SHROOM3: variants seen among roughly 807,000 people sequenced by gnomAD.
SHROOM3 encodes the protein protein Shroom3.
SHROOM3 carries 47 observed loss-of-function variants against 138.6 expected under a neutral mutation model. That is an observed-to-expected ratio of 0.34 (90% CI 0.27 to 0.43). SHROOM3 has a LOEUF of 0.43. SHROOM3 is among the 20% of genes least tolerant of loss of function. SHROOM3 has a pLI of 1.00. For missense variants in SHROOM3, 2,491 were observed against 2,596.5 expected, an observed-to-expected ratio of 0.96 and a Z score of 0.88; for synonymous variants, 1,062 against 1,063.3, an observed-to-expected ratio of 1.00 and a Z score of 0.02.
chr4:76,554,260 T>G (rs767975485), intron 1 of SHROOM3, among the ~76,000 whole-genome samples: 39 of 152,214 alleles, frequency 2.6e-4, no homozygotes, highest in Non-Finnish European at 5.1e-4. Flanking sequence ...ATTTTAAGTT[T>G]CCTTCATGTT....
intron 1 of SHROOM3, among the ~76,000 whole-genome samples, chr4:76,494,901 G>C (rs10005906): frequency 6.6e-6 from 1 of 152,108 alleles, no homozygotes; most frequent in African/African-American, 2.4e-5. Context: ...TAATTCAAAG[G>C]CCTGTTCTGT....
chr4:76,680,950 C>A (rs1004355795), intron 2 of SHROOM3, among the ~76,000 whole-genome samples: 1 of 152,244 alleles, frequency 6.6e-6, no homozygotes, highest in Non-Finnish European at 1.5e-5. Flanking sequence ...CCTCCCCATG[C>A]TGTCAGCATG....
In SHROOM3 at chr4:76,740,974, G is replaced by A. The variant is rs1292544124; in HGVS notation, c.2801G>A (p.Arg934His). ...AACAGCATCAAGGACGCACAGTCCC[G>A]TGTCTTGGGGGCCACCTCCTTTCGA... is the stretch of plus-strand genomic sequence containing the variant. ...YRNSIKDAQS[R>H]VLGATSFRRR... Residue 934 changes from arginine to histidine, a missense_variant, in exon 5 of 11, where the codon CGT becomes CAT. Arg to His is a conservative substitution (Grantham distance 29). Transcript: ENST00000296043. This position sits in a 1 kb window ranked among gnomAD's most constrained non-coding sequence, Gnocchi z 4.0. 6.7e-7 allele frequency: 1 copy of A among 1,495,200 alleles called. No individual in the cohort carries two copies. The allele number at this position is 1,495,200 out of a possible 1,614,324, so 92.6% of individuals were successfully genotyped here.
intron 2 of SHROOM3, chr4:76,688,728 T>G (rs1333276275): frequency 2.0e-6 from 2 of 985,376 alleles, no homozygotes; most frequent in East Asian, 1.1e-4. Flanking sequence ...AATGGATATA[T>G]TTTCTAAAAT....
intron 1 of SHROOM3, among the ~76,000 whole-genome samples, chr4:76,449,960 AT>A (rs1730892427): frequency 6.6e-6 from 1 of 152,212 alleles, no homozygotes; most frequent in South Asian, 2.1e-4. Context: ...TGTATTAAGA[AT>A]TAACAAGTGG....
intron 2 of SHROOM3, among the ~76,000 whole-genome samples, chr4:76,606,413 T>C (rs1734622026): frequency 2.0e-5 from 3 of 151,776 alleles, no homozygotes; most frequent in Admixed American, 2.0e-4. Flanking sequence ...TTTTTATCTG[T>C]AAAATGATAG....
intron 1 of SHROOM3, among the ~76,000 whole-genome samples, chr4:76,519,688 C>T (rs923793237): frequency 1.3e-5 from 2 of 152,112 alleles, no homozygotes. Flanking sequence ...TCAGGACAGT[C>T]TTGACTATAT....
rs781326633 is a variant in SHROOM3, at chr4:76,756,789, G to A, written c.5050G>A (p.Asp1684Asn). Residue 1684 changes from aspartate (D) to asparagine (N), a missense_variant, in exon 8 of 11, where the codon GAC becomes AAC. By Grantham distance (23) the Asp-to-Asn change is conservative. Around this residue, in one of 4 missense-constraint regions of SHROOM3, gnomAD observed 470 missense variants for 595.0 expected, o/e 0.79. Transcript: ENST00000296043. ...EIVHQDKSLA[D>N]ILDPDSRLKT... is the part of the protein sequence containing the mutation. Reference sequence around the variant, plus strand: ...TGTCCACCAAGACAAATCTCTAGCAGACATTTTGGATCCAGACTCCAGGCT... The same window carrying A: ...TGTCCACCAAGACAAATCTCTAGCAAACATTTTGGATCCAGACTCCAGGCT... The A allele has an allele frequency of 3.4e-5, 55 of 1,614,060 alleles. No individual in the cohort carries two copies. Among genetic ancestry groups the A allele is most frequent in the African/African-American group, 8.0e-5 (6 of 74,928 alleles).
chr4:76,497,355 A>G (rs567264161), intron 1 of SHROOM3, among the ~76,000 whole-genome samples: 1 of 152,354 alleles, frequency 6.6e-6, no homozygotes, highest in East Asian at 1.9e-4. Context: ...TAATTCCCAC[A>G]TTTAGTGGCT....
At chr4:76,688,825 C>T in intron 2 of SHROOM3, 1 of 985,284 alleles carries the variant, frequency 1.0e-6, no homozygotes, top group Non-Finnish European at 1.2e-6. Flanking sequence ...TAATCAGAGA[C>T]GATGCTTATG....
At chr4:76,772,919 A>G (rs1033771894) in intron 10 of SHROOM3, among the ~76,000 whole-genome samples, 3 of 152,232 alleles carry the variant, frequency 2.0e-5, no homozygotes, top group African/African-American at 7.2e-5. Context: ...AATACAGTTT[A>G]GAAGAACCTC....
In SHROOM3 at chr4:76,754,442, T is replaced by C. The variant is rs752390281; in HGVS notation, c.3959T>C (p.Leu1320Pro). 4.3e-6 allele frequency: 7 copies of C among 1,614,018 alleles called. No individual in the cohort carries two copies. The African/African-American group carries it at 8.0e-5, about 18-fold the overall frequency. The change falls in exon 7 of 11, where the codon CTG becomes CCG. Residue 1320 changes from leucine (L) to proline (P), a missense_variant. Leu to Pro is a moderately conservative substitution (Grantham distance 98). Transcript: ENST00000296043. ...GTTCCTAGTGAATGTCCTGGAACCC[T>C]GGACCATCAGAGGCAAGCCAGTAGG... is the stretch of plus-strand genomic sequence containing the variant. Reference protein sequence around the residue: ...SSVPSECPGTLDHQRQASRTP... With the variant: ...SSVPSECPGTPDHQRQASRTP...
chr4:76,596,581 A>AACACACACACACACACACACAC (rs58214296), intron 2 of SHROOM3, among the ~76,000 whole-genome samples: 1 of 138,134 alleles, frequency 7.2e-6, no homozygotes, highest in East Asian at 2.2e-4. Flanking sequence ...GGTACAGAGA[A>AACACACACACACACACACACAC]ACACACACAC....
chr4:76,479,331 A>G (rs1297770219), intron 1 of SHROOM3, among the ~76,000 whole-genome samples: 1 of 151,936 alleles, frequency 6.6e-6, no homozygotes, highest in Non-Finnish European at 1.5e-5. Context: ...GTTGTGAAGC[A>G]TATACACAAG....
Position 76,612,710 on chromosome 4 carries a change from A to G in SHROOM3, c.323+56947A>G, listed in dbSNP as rs1734788460. Among the ~76,000 whole-genome samples the G allele has an allele frequency of 2.0e-5, 3 of 152,176 alleles. No homozygotes were observed. The South Asian group carries it at 6.2e-4, about 32-fold the overall frequency. On this transcript the variant is annotated intron_variant, in intron 2 of 10. Coordinates refer to ENST00000296043, the MANE Select transcript of SHROOM3 (RefSeq NM_020859.4). ...TCCCAGCACTTTGGAACACTGAAGT[A>G]GGAGGATCCATTCAGCCCGGTAGTT...
chr4:76,727,690 C>T (rs2110126827), intron 3 of SHROOM3, among the ~76,000 whole-genome samples: 2 of 152,162 alleles, frequency 1.3e-5, no homozygotes, highest in Middle Eastern at 6.8e-3. Flanking sequence ...GAGTTCAAGA[C>T]CAGCCTGGCC....
At chr4:76,762,060 A>G (rs1192959699) in intron 9 of SHROOM3, among the ~76,000 whole-genome samples, 2 of 152,166 alleles carry the variant, frequency 1.3e-5, no homozygotes, top group South Asian at 2.1e-4. Flanking sequence ...GACCAGGGTC[A>G]GGCCTGGTTA....
Position 76,435,974 on chromosome 4 carries a change from A to C in SHROOM3, c.-79A>C. ...CATTGTGTGTCCTGAAGGATGGGAC[A>C]ACTTGTGCTGTAGAAGCACTGCTTG... On this transcript the variant is annotated 5_prime_UTR_variant, in exon 1 of 11. Coordinates refer to ENST00000296043, the MANE Select transcript of SHROOM3 (RefSeq NM_020859.4). 1 of 1,508,960 alleles carries C rather than the reference A, an allele frequency of 6.6e-7. No homozygotes were observed. The highest frequency in any genetic ancestry group is 9.1e-7 in the Non-Finnish European group (1 of 1,095,850). 93.5% of individuals were successfully genotyped at this position (1,508,960 alleles called of 1,614,324 possible).
chr4:76,520,239 T>C (rs531037566), intron 1 of SHROOM3, among the ~76,000 whole-genome samples: 1 of 152,212 alleles, frequency 6.6e-6, no homozygotes, highest in East Asian at 1.9e-4. Flanking sequence ...AGAGAAATCA[T>C]CTAATCCCTC....
Sources: allele counts gnomAD v4.1 joint callset (sites outside exome capture counted in the v4.1 genomes callset), GRCh38; gene constraint gnomAD v4.1.1; regional missense constraint gnomAD v4.1.1; non-coding constraint Gnocchi (gnomAD v3.1); transcripts MANE v1.5; gene names NCBI Gene and HGNC (gene_info 2026-07-23, HGNC 2026-07-21).